Variants in ACACA observed in about 807,000 individuals in gnomAD.
The protein encoded by ACACA is acetyl-CoA carboxylase 1.
A neutral mutation model predicts 296.1 loss-of-function variants in ACACA; 103 were observed. The observed-to-expected ratio is 0.35, with a 90% confidence interval of 0.30 to 0.41. ACACA has a LOEUF of 0.41. Ranked by LOEUF, ACACA falls within the 10% of genes least tolerant of loss-of-function variation. The probability of loss-of-function intolerance (pLI) is 1.00; values close to 1 mark genes in which losing one functional copy is unlikely to be tolerated. For synonymous variants in ACACA, 953 were observed against 1,038.6 expected, an observed-to-expected ratio of 0.92 and a Z score of 1.58; for missense variants, 1,554 against 2,989.7, an observed-to-expected ratio of 0.52 and a Z score of 11.20.
intron 41 of ACACA, among the ~76,000 whole-genome samples, chr17:37,174,001 T>TAC (rs2076994655): frequency 1.7e-4 from 2 of 12,026 alleles, no homozygotes; most frequent in Non-Finnish European, 3.2e-4. Context: ...TATATATATA[T>TAC]ATATATATAT....
At chr17:37,308,315 G>A (rs577394864) in intron 3 of ACACA, among the ~76,000 whole-genome samples, 1 of 152,168 alleles carries the variant, frequency 6.6e-6, no homozygotes, top group Non-Finnish European at 1.5e-5. Flanking sequence ...ACGAATTTAT[G>A]AGTGAATACA....
chr17:37,406,036 C>T (rs868799027), intron 1 of ACACA, among the ~76,000 whole-genome samples: 1 of 152,014 alleles, frequency 6.6e-6, no homozygotes, highest in South Asian at 2.1e-4. Flanking sequence ...GGTTTGAATT[C>T]CCTTCCCCAG....
intron 50 of ACACA, among the ~76,000 whole-genome samples, chr17:37,117,789 G>T (rs1597868443): frequency 6.8e-6 from 1 of 147,320 alleles, no homozygotes; most frequent in Non-Finnish European, 1.5e-5. Context: ...GACTAGTAGA[G>T]TTTTTTTTTT....
rs372125686 is a variant in ACACA at position 37,136,857 on chromosome 17, C to T, written c.5680-6639G>A. Among the ~76,000 whole-genome samples the T allele has an allele frequency of 1.3e-4, 20 of 151,924 alleles. No homozygotes were observed. The East Asian group carries it at 2.1e-3, about 16-fold the overall frequency. ...ACTTGGGAGGCTGAGGCAGGAGAATCGCTTGAACCCGGGAGGTGGAGGTTG... is the reference window on the plus strand; with the variant it reads ...ACTTGGGAGGCTGAGGCAGGAGAATTGCTTGAACCCGGGAGGTGGAGGTTG... On this transcript the variant is annotated intron_variant, in intron 45 of 55. Transcript: ENST00000616317.
At chr17:37,117,932 G>T (rs756214714) in intron 50 of ACACA, among the ~76,000 whole-genome samples, 1 of 151,970 alleles carries the variant, frequency 6.6e-6, no homozygotes, top group Non-Finnish European at 1.5e-5. Flanking sequence ...GTGCACTGAG[G>T]GATGGCATAA....
Position 37,248,015 on chromosome 17 carries a change from C to T in ACACA, c.2305G>A (p.Asp769Asn), listed in dbSNP as rs775831954. The part of the protein sequence containing the change: ...SYTTYMKEEV[D>N]RYRITIGNKT... ...GGACCTCAAACAGCCACTTACCTAT[C>T]CACTTCCTCTTTCATATACGTAGTA... is the stretch of plus-strand genomic sequence containing the variant. Residue 769 changes from aspartate (D) to asparagine (N), a missense_variant, in exon 18 of 56, where the codon GAT becomes AAT. Physicochemically the swap from Asp to Asn is conservative, Grantham distance 23. Around this residue, in one of 16 missense-constraint regions of ACACA, gnomAD observed 316 missense variants for 540.9 expected, o/e 0.58. Coordinates refer to ENST00000616317, the MANE Select transcript of ACACA (RefSeq NM_198834.3). 2 of 1,613,962 alleles carry T rather than the reference C, an allele frequency of 1.2e-6. No individual in the cohort carries two copies. The highest frequency in any genetic ancestry group is 1.1e-5 in the South Asian group (1 of 91,080).
chr17:37,330,323 T>C lies in ACACA; in HGVS notation c.188A>G (p.Glu63Gly), dbSNP rs773638947. ...HSRFIIGSVS[E>G]DNSEDEISNL... The stretch of plus-strand genomic sequence containing the variant: ...GCTGATCTCATCCTCTGAGTTATCT[T>C]CAGACACAGAACCTATTATGAATCG... Residue 63 changes from glutamate to glycine, a missense_variant, in exon 3 of 56, where the codon GAA (glutamate) becomes GGA (glycine). This residue lies in a region of ACACA where 140 missense variants were observed against 147.7 expected (regional missense o/e 0.95). Coordinates refer to ENST00000616317, the MANE Select transcript of ACACA (RefSeq NM_198834.3). The C allele has an allele frequency of 2.5e-6, 4 of 1,614,064 alleles. No homozygotes were observed. The Admixed American group carries it at 6.7e-5, about 27-fold the overall frequency.
Position 37,376,207 on chromosome 17 carries a change from T to A in ACACA, c.38+30055A>T. The A allele has an allele frequency of 2.8e-6, 4 of 1,439,892 alleles. No homozygotes were observed. In the African/African-American group the frequency reaches 5.6e-5, roughly 20 times the overall value. The allele number at this position is 1,439,892 out of a possible 1,614,324, so 89.2% of individuals were successfully genotyped here. A position where few individuals can be genotyped will look rare whatever the true frequency, so the allele number is the denominator to read the frequency against. On this transcript the variant is annotated intron_variant, in intron 1 of 55. Transcript: ENST00000616317. ...AATACAGAGAGAGGCCTAGAAAGAG[T>A]TTCGGGGTCTCTTCCACCAGATAGA...
chr17:37,289,486 C>A, intron 3 of ACACA: 1 of 1,351,976 alleles, frequency 7.4e-7, no homozygotes, highest in Non-Finnish European at 9.8e-7. Flanking sequence ...TATCTTCAAC[C>A]CTCTAGGCAC....
intron 28 of ACACA, among the ~76,000 whole-genome samples, chr17:37,222,620 C>T (rs962827476): frequency 3.3e-5 from 5 of 152,132 alleles, no homozygotes; most frequent in African/African-American, 1.2e-4. Flanking sequence ...GGAAGCTTCT[C>T]ATTAAATGAC....
chr17:37,331,782 T>A (rs2047897142), intron 2 of ACACA, among the ~76,000 whole-genome samples: 1 of 151,718 alleles, frequency 6.6e-6, no homozygotes, highest in African/African-American at 2.4e-5. Context: ...GCTCAAGCAA[T>A]CCTCTCACCT....
chr17:37,209,464 C>G lies in ACACA; in HGVS notation c.3707+1003G>C, dbSNP rs546210178. On this transcript the variant is annotated intron_variant, in intron 30 of 55. Transcript: ENST00000616317. ...GTAGCTTTTTCACTCAACTGAACCC[C>G]ATGGGAAATATCGACTATTCAGTTT... is the stretch of plus-strand genomic sequence containing the variant. Among the ~76,000 whole-genome samples the G allele has an allele frequency of 2.2e-4, 33 of 152,258 alleles. 1 individual carries two copies. The South Asian group carries it at 6.4e-3, about 30-fold the overall frequency.
At chr17:37,325,524 A>ATAT (rs1040679625) in intron 3 of ACACA, among the ~76,000 whole-genome samples, 24 of 147,710 alleles carry the variant, frequency 1.6e-4, no homozygotes, top group African/African-American at 5.3e-4. Context: ...TGAGGTCTGT[A>ATAT]TATTCCCACC....
At chr17:37,144,245 T>C (rs2075720314) in intron 45 of ACACA, 4 of 692,532 alleles carry the variant, frequency 5.8e-6, no homozygotes, top group Non-Finnish European at 1.1e-5. Context: ...AAAAAATGCG[T>C]ATGACAACAT....
At chr17:37,374,304 G>A (rs923236176) in intron 1 of ACACA, among the ~76,000 whole-genome samples, 1 of 96,268 alleles carries the variant, frequency 1.0e-5, no homozygotes, top group African/African-American at 4.3e-5. Context: ...TTTTTTTTTT[G>A]AGACGGAGTT....
rs2051516660 is a variant in ACACA, at chr17:37,406,498, C to T, written c.-199G>A. The T allele has an allele frequency of 3.1e-6, 2 of 646,790 alleles. No homozygotes were observed. The highest frequency in any genetic ancestry group is 1.8e-5 in the African/African-American group (1 of 55,226). The allele number at this position is 646,790 out of a possible 1,614,324, so 40.1% of individuals were successfully genotyped here. On this transcript the variant is annotated 5_prime_UTR_variant, in exon 1 of 56. Transcript: ENST00000616317. ...CGCCACGGCTCGCCGTCCCTGGGCCCAGTTCCCTCAGCCTCAATTTCCCTT... is the reference window on the plus strand; with the variant it reads ...CGCCACGGCTCGCCGTCCCTGGGCCTAGTTCCCTCAGCCTCAATTTCCCTT...
intron 1 of ACACA, chr17:37,360,082 C>T (rs1431411279): frequency 6.6e-6 from 1 of 152,124 alleles, no homozygotes; most frequent in Middle Eastern, 3.2e-3. Context: ...CCAGTTACTT[C>T]ATAGCAAGAC....
chr17:37,200,539 T>C, intron 33 of ACACA, 56 bp from the exon 34 acceptor site: 1 of 1,504,500 alleles, frequency 6.6e-7, no homozygotes, highest in Non-Finnish European at 9.2e-7. Context: ...TCATTCTAAA[T>C]TTTATCCCAT....
At chr17:37,221,908 AAG>A in intron 28 of ACACA, 66 bp from the exon 29 acceptor site, 4 of 1,398,936 alleles carry the variant, frequency 2.9e-6, no homozygotes, top group Admixed American at 1.7e-5. Context: ...AGCCCAGAAA[AAG>A]AGTCTTGAAA....
Sources: allele counts gnomAD v4.1 joint callset (sites outside exome capture counted in the v4.1 genomes callset), GRCh38; gene constraint gnomAD v4.1.1; regional missense constraint gnomAD v4.1.1; transcripts MANE v1.5; gene names NCBI Gene and HGNC (gene_info 2026-07-23, HGNC 2026-07-21).